CFAP299: variants seen among roughly 807,000 people sequenced by gnomAD.
CFAP299 encodes cilia and flagella associated protein 299.
In CFAP299, 21 loss-of-function variants were observed where a neutral mutation model predicts 27.0. The ratio of observed to expected loss-of-function variants is 0.78; its 90% confidence interval spans 0.55 to 1.12. The LOEUF (loss-of-function observed/expected upper bound fraction) is 1.12, where lower values mean the gene tolerates loss of function less well. Ranked by LOEUF, CFAP299 falls within the 50% of genes most tolerant of loss-of-function variation. CFAP299 has a pLI of 0.00. For missense variants in CFAP299, 310 were observed against 276.6 expected (o/e 1.12, Z -0.86); for synonymous variants, 104 against 98.1 (o/e 1.06, Z -0.36).
intron 2 of CFAP299, among the ~76,000 whole-genome samples, chr4:80,393,483 G>C (rs1249474379): frequency 6.6e-6 from 1 of 152,110 alleles, no homozygotes; most frequent in East Asian, 1.9e-4. Context: ...TTCCAGTCCT[G>C]TAAGCCCCAT....
intron 2 of CFAP299, among the ~76,000 whole-genome samples, chr4:80,565,700 T>C (rs1299127734): frequency 6.6e-6 from 1 of 152,062 alleles, no homozygotes; most frequent in Non-Finnish European, 1.5e-5. Flanking sequence ...TAAAACATAG[T>C]AATTTTGCCA....
intron 4 of CFAP299, among the ~76,000 whole-genome samples, chr4:80,874,945 TTATTTCATGTTAAA>T (rs1224130041): frequency 6.6e-6 from 1 of 152,230 alleles, no homozygotes; most frequent in Non-Finnish European, 1.5e-5. Context: ...TTAGTAATTA[TTATTTCATGTTAAA>T]ATAATAATGT....
At chr4:80,385,810 A>C (rs927072536) in intron 2 of CFAP299, among the ~76,000 whole-genome samples, 8 of 152,252 alleles carry the variant, frequency 5.3e-5, no homozygotes, top group African/African-American at 1.9e-4. Flanking sequence ...ACTAGAGCCC[A>C]CCTGGAGGCA....
chr4:80,693,549 G>T (rs945422916), intron 3 of CFAP299, among the ~76,000 whole-genome samples: 1 of 136,262 alleles, frequency 7.3e-6, no homozygotes, highest in Non-Finnish European at 1.6e-5. Context: ...GACTGTGGTG[G>T]GGTGGGGGAG....
intron 2 of CFAP299, among the ~76,000 whole-genome samples, chr4:80,405,262 A>G (rs192424280): frequency 1.2e-4 from 19 of 152,292 alleles, no homozygotes; most frequent in African/African-American, 3.1e-4. Flanking sequence ...TGGTAGTCTC[A>G]AGAATCTGTG....
At chr4:80,771,546 C>T (rs1235109527) in intron 3 of CFAP299, among the ~76,000 whole-genome samples, 1 of 151,998 alleles carries the variant, frequency 6.6e-6, no homozygotes, top group African/African-American at 2.4e-5. Context: ...CTATTCAACT[C>T]ATAATAAATG....
intron 2 of CFAP299, among the ~76,000 whole-genome samples, chr4:80,399,192 CAT>C (rs1280337681): frequency 2.6e-5 from 4 of 152,186 alleles, no homozygotes; most frequent in African/African-American, 9.6e-5. Context: ...CGGGAAACAA[CAT>C]ATGCTGGAGA....
At chr4:80,336,008 C>G in intron 1 of CFAP299, 129 bp downstream of exon 1, 3 of 643,094 alleles carry the variant, frequency 4.7e-6, no homozygotes, top group East Asian at 5.3e-5. Context: ...GTTTCGGGAC[C>G]GCGACACTAA....
intron 2 of CFAP299, among the ~76,000 whole-genome samples, chr4:80,542,001 G>A (rs546785077): frequency 1.3e-5 from 2 of 151,962 alleles, no homozygotes; most frequent in African/African-American, 4.8e-5. Context: ...AGGACAGAAG[G>A]CATATTCATA....
chr4:80,800,087 TATATATA>T (rs1187611744), intron 3 of CFAP299, among the ~76,000 whole-genome samples: 5 of 67,496 alleles, frequency 7.4e-5, no homozygotes, highest in South Asian at 5.6e-4. Flanking sequence ...AAAATATAAA[TATATATA>T]ATATATAATA....
rs570822154 is a variant in CFAP299, at chr4:80,376,735, A to C, written c.242+13851A>C. ...AATGGCATGATTTTGGCTCACTGCA[A>C]CCTCTGCTTCCCAGGTTGAAACGAT... On this transcript the variant is annotated intron_variant, in intron 2 of 5. Transcript: ENST00000358105. Among the ~76,000 whole-genome samples, 5 of 152,254 alleles carry C rather than the reference A, an allele frequency of 3.3e-5. No homozygotes were observed. The East Asian group carries it at 9.7e-4, about 29-fold the overall frequency.
chr4:80,504,178 T>C (rs1181950802), intron 2 of CFAP299, among the ~76,000 whole-genome samples: 1 of 151,786 alleles, frequency 6.6e-6, no homozygotes, highest in Non-Finnish European at 1.5e-5. Flanking sequence ...ACCAGTGTTC[T>C]GAGCGGAGAT....
chr4:80,800,188 A>AATATATATTATAATATATAATAATATATC (rs1560418399), intron 3 of CFAP299, among the ~76,000 whole-genome samples: 12 of 68,016 alleles, frequency 1.8e-4, no homozygotes, highest in African/African-American at 7.6e-4. Flanking sequence ...AATAATATGT[A>AATATATATTATAATATATAATAATATATC]ATACTATATA....
intron 3 of CFAP299, among the ~76,000 whole-genome samples, chr4:80,633,321 C>CT (rs1312329541): frequency 1.3e-5 from 2 of 151,998 alleles, no homozygotes; most frequent in Non-Finnish European, 2.9e-5. Context: ...TGGCATGCTC[C>CT]TGTAGTACTT....
intron 1 of CFAP299, among the ~76,000 whole-genome samples, chr4:80,345,418 TC>T (rs1188511342): frequency 2.7e-5 from 2 of 75,440 alleles, no homozygotes; most frequent in Middle Eastern, 5.4e-3. Context: ...ATGCTATCCC[TC>T]CCCCCTCCCC....
intron 3 of CFAP299, among the ~76,000 whole-genome samples, chr4:80,672,631 T>A (rs1441854784): frequency 6.6e-6 from 1 of 152,160 alleles, no homozygotes; most frequent in Non-Finnish European, 1.5e-5. Flanking sequence ...ATCCATCTGG[T>A]CTTGGAATTT....
intron 2 of CFAP299, among the ~76,000 whole-genome samples, chr4:80,511,109 G>C (rs1230774654): frequency 6.6e-6 from 1 of 152,170 alleles, no homozygotes; most frequent in Non-Finnish European, 1.5e-5. Context: ...GAGCATGAAT[G>C]CTGAAGTTGT....
intron 4 of CFAP299, among the ~76,000 whole-genome samples, chr4:80,939,212 T>C (rs1737071950): frequency 1.3e-5 from 2 of 152,216 alleles, no homozygotes; most frequent in Non-Finnish European, 2.9e-5. Flanking sequence ...TGTTCATTTT[T>C]TCCCAAGATT....
intron 1 of CFAP299, among the ~76,000 whole-genome samples, chr4:80,337,483 C>T (rs372023072): frequency 4.6e-5 from 7 of 151,872 alleles, no homozygotes; most frequent in African/African-American, 1.2e-4. Context: ...CTGCAACCTC[C>T]GCTCCCCAGG....
Sources: allele counts gnomAD v4.1 joint callset (sites outside exome capture counted in the v4.1 genomes callset), GRCh38; gene constraint gnomAD v4.1.1; transcripts MANE v1.5; gene names NCBI Gene and HGNC (gene_info 2026-07-23, HGNC 2026-07-21).